Variants in CAMK2D observed in about 807,000 individuals in gnomAD.
The protein encoded by CAMK2D is calcium/calmodulin-dependent protein kinase type II subunit delta.
In CAMK2D, 37 loss-of-function variants were observed where a neutral mutation model predicts 84.0. The observed-to-expected ratio is 0.44, with a 90% CI of 0.34 to 0.58. CAMK2D has a LOEUF of 0.58. CAMK2D is among the 20% of genes least tolerant of loss of function. The pLI, the probability that CAMK2D is intolerant of heterozygous loss-of-function variation, is 0.02. For missense variants in CAMK2D, 448 were observed against 652.5 expected, an observed-to-expected ratio of 0.69 and a Z score of 3.41; for synonymous variants, 202 against 212.5, an observed-to-expected ratio of 0.95 and a Z score of 0.43.
intron 4 of CAMK2D, among the ~76,000 whole-genome samples, chr4:113,552,583 C>T (rs533862330): frequency 6.6e-6 from 1 of 152,224 alleles, no homozygotes; most frequent in South Asian, 2.1e-4. Flanking sequence ...AGTGGGATCA[C>T]GTGCTATATG....
chr4:113,464,213 GTATACTT>G (rs1484794781), intron 17 of CAMK2D, among the ~76,000 whole-genome samples: 1 of 152,112 alleles, frequency 6.6e-6, no homozygotes, highest in East Asian at 1.9e-4. Flanking sequence ...TCAAGTTTGT[GTATACTT>G]AATTAGTAAA....
At chr4:113,696,887 T>C (rs192868237) in intron 2 of CAMK2D, among the ~76,000 whole-genome samples, 50 of 142,918 alleles carry the variant, frequency 3.5e-4, no homozygotes, top group African/African-American at 1.3e-3. Context: ...CATGTTCATA[T>C]CCCCTGCATC....
intron 12 of CAMK2D, among the ~76,000 whole-genome samples, chr4:113,511,297 G>GTGA (rs1553920369): frequency 2.6e-5 from 4 of 152,110 alleles, no homozygotes; most frequent in Admixed American, 1.3e-4. Flanking sequence ...TGATTTTGAA[G>GTGA]TGATGGATTA....
At chr4:113,578,623 A>T (rs1016881867) in intron 4 of CAMK2D, among the ~76,000 whole-genome samples, 1 of 152,200 alleles carries the variant, frequency 6.6e-6, no homozygotes, top group African/African-American at 2.4e-5. Flanking sequence ...TTTAAATATG[A>T]TATCTTAAAC....
intron 2 of CAMK2D, among the ~76,000 whole-genome samples, chr4:113,718,052 A>AT (rs1182125441): frequency 1.3e-5 from 2 of 152,160 alleles, no homozygotes; most frequent in Non-Finnish European, 2.9e-5. Flanking sequence ...AAAGATGTAC[A>AT]TAAATATTAT....
rs2097270709 is a variant in CAMK2D, at chr4:113,453,298, C to T, written c.*1247G>A. On this transcript the variant is annotated 3_prime_UTR_variant, in exon 21 of 21. Transcript: ENST00000511664. ...GAATGGCAAACATTTGTAAGCCTCTCTAACACTAGAAAACTAGCTAGTGAT... is the reference window on the plus strand; with the variant it reads ...GAATGGCAAACATTTGTAAGCCTCTTTAACACTAGAAAACTAGCTAGTGAT... 6.6e-6 allele frequency: 1 copy of T among 152,174 alleles called. No individual in the cohort carries two copies. Among genetic ancestry groups the T allele is most frequent in the Non-Finnish European group, 1.5e-5 (1 of 68,022 alleles). 9.4% of individuals were successfully genotyped at this position (152,174 alleles called of 1,614,324 possible).
chr4:113,694,187 C>T (rs566345603), intron 2 of CAMK2D, among the ~76,000 whole-genome samples: 47 of 152,230 alleles, frequency 3.1e-4, no homozygotes, highest in African/African-American at 1.1e-3. Flanking sequence ...TATCATCTGA[C>T]CTCAAACTTT....
chr4:113,760,956 G>A (rs1432883721), intron 1 of CAMK2D, 48 bp downstream of exon 1: 19 of 1,612,248 alleles, frequency 1.2e-5, no homozygotes, highest in Non-Finnish European at 1.6e-5. Flanking sequence ...AACGCGACCC[G>A]CCCTCAGCTG....
intron 4 of CAMK2D, among the ~76,000 whole-genome samples, chr4:113,559,082 A>G (rs1185242180): frequency 6.6e-6 from 1 of 152,130 alleles, no homozygotes; most frequent in Non-Finnish European, 1.5e-5. Context: ...TATATACTCT[A>G]CTGTGCATTA....
chr4:113,760,275 C>T (rs759363984), intron 1 of CAMK2D, among the ~76,000 whole-genome samples: 2 of 152,148 alleles, frequency 1.3e-5, no homozygotes, highest in Admixed American at 6.5e-5. Context: ...CAATGCTAGG[C>T]TACGCTTAAG....
Position 113,538,901 on chromosome 4 carries a change from G to A in CAMK2D, c.415-1458C>T, listed in dbSNP as rs571296079. Among the ~76,000 whole-genome samples, 5 of 152,178 alleles carry A rather than the reference G, an allele frequency of 3.3e-5. No individual in the cohort carries two copies. The South Asian group carries it at 6.2e-4, about 19-fold the overall frequency. Reference sequence around the variant, plus strand: ...CAGATTCATCGCTATTATGACGACCGGTAAATGTGAGAAAACTTTTCTAAT... The same window carrying A: ...CAGATTCATCGCTATTATGACGACCAGTAAATGTGAGAAAACTTTTCTAAT... On this transcript the variant is annotated intron_variant, in intron 6 of 20. Transcript: ENST00000511664.
chr4:113,616,655 G>T (rs967549571), intron 3 of CAMK2D, among the ~76,000 whole-genome samples: 16 of 152,130 alleles, frequency 1.1e-4, no homozygotes, highest in Non-Finnish European at 2.4e-4. Flanking sequence ...ACTACAAACA[G>T]CATGAAAGAA....
intron 4 of CAMK2D, among the ~76,000 whole-genome samples, chr4:113,571,199 AATTACTACAGCC>A (rs1416862924): frequency 6.6e-6 from 1 of 152,226 alleles, no homozygotes; most frequent in Non-Finnish European, 1.5e-5. Context: ...TGGGAATGTA[AATTACTACAGCC>A]ATTATGGAAA....
chr4:113,502,224 T>C (rs2098057712), intron 15 of CAMK2D, among the ~76,000 whole-genome samples: 1 of 152,120 alleles, frequency 6.6e-6, no homozygotes, highest in Non-Finnish European at 1.5e-5. Flanking sequence ...CTAGTGCTGT[T>C]ATTTAGTTAA....
chr4:113,486,457 A>C (rs1222745050), intron 16 of CAMK2D, among the ~76,000 whole-genome samples: 5 of 152,324 alleles, frequency 3.3e-5, no homozygotes, highest in African/African-American at 9.6e-5. Context: ...AGAACTATTA[A>C]GAAAACTCAA....
At chr4:113,663,457 T>A (rs1012476138) in intron 2 of CAMK2D, among the ~76,000 whole-genome samples, 3 of 151,848 alleles carry the variant, frequency 2.0e-5, no homozygotes, top group Non-Finnish European at 2.9e-5. Flanking sequence ...GGTGTGGTGG[T>A]TGGTGCCTGT....
chr4:113,476,807 C>T (rs1256138185), intron 16 of CAMK2D, among the ~76,000 whole-genome samples: 4 of 152,114 alleles, frequency 2.6e-5, no homozygotes, highest in Non-Finnish European at 2.9e-5. Flanking sequence ...ATTTTTCAGA[C>T]TTTTGCATTC....
chr4:113,757,050 A>G (rs2099630095), intron 2 of CAMK2D, among the ~76,000 whole-genome samples: 1 of 152,108 alleles, frequency 6.6e-6, no homozygotes, highest in Non-Finnish European at 1.5e-5. Flanking sequence ...TCCTCAGAAC[A>G]CCCCATGAGA....
intron 1 of CAMK2D, among the ~76,000 whole-genome samples, chr4:113,759,926 G>C (rs766359719): frequency 6.6e-6 from 1 of 152,102 alleles, no homozygotes; most frequent in Non-Finnish European, 1.5e-5. Flanking sequence ...TTTTGGACTG[G>C]GGGAGGGGAG....
Sources: gnomAD v4.1 joint callset for allele counts (sites outside exome capture counted in the v4.1 genomes callset) on GRCh38, gnomAD v4.1.1 for gene constraint, MANE v1.5 for transcripts, NCBI Gene and HGNC (gene_info 2026-07-23, HGNC 2026-07-21) for gene names.